NCOA2: variants seen among roughly 807,000 people sequenced by gnomAD.
NCOA2 encodes class E basic helix-loop-helix protein 75.
In NCOA2, 21 loss-of-function variants were observed where a neutral mutation model predicts 145.1. That is an observed-to-expected ratio of 0.14 (90% CI 0.10 to 0.21). The LOEUF (loss-of-function observed/expected upper bound fraction) is 0.21, where lower values mean the gene tolerates loss of function less well. NCOA2 is among the 10% of genes least tolerant of loss of function. NCOA2 has a pLI of 1.00. For synonymous variants in NCOA2, 619 were observed against 637.5 expected, an observed-to-expected ratio of 0.97 and a Z score of 0.44; for missense variants, 1,472 against 1,837.6, an observed-to-expected ratio of 0.80 and a Z score of 3.64.
rs1279704658 is a variant in NCOA2, at chr8:70,110,164, G to A, written c.*3468C>T. 2.0e-5 allele frequency: 4 copies of A among 201,378 alleles called. No individual in the cohort carries two copies. The highest frequency in any genetic ancestry group is 4.1e-5 in the Non-Finnish European group (4 of 97,946). The allele number at this position is 201,378 out of a possible 1,614,324, so 12.5% of individuals were successfully genotyped here. A position where few individuals can be genotyped will look rare whatever the true frequency, so the allele number is the denominator to read the frequency against. ...AACTGTACAAATAAAACTCACAAAT[G>A]ACAAAGGAAAAAAATGACAGTTAAA... On this transcript the variant is annotated 3_prime_UTR_variant, in exon 23 of 23. Transcript: ENST00000452400.
At chr8:70,435,908 C>T in the NCOA2 span, among the ~76,000 whole-genome samples, 33 of 152,276 alleles carry the variant, frequency 2.2e-4, no homozygotes, top group African/African-American at 7.9e-4. Context: ...AAGCAATCCT[C>T]CTGCTTCAGC....
chr8:70,290,340 C>T (rs1826571732), intron 2 of NCOA2, among the ~76,000 whole-genome samples: 1 of 152,164 alleles, frequency 6.6e-6, no homozygotes, highest in South Asian at 2.1e-4. Flanking sequence ...AGGCGCCTGC[C>T]ACCACACCCG....
At chr8:70,195,977 C>T (rs1817263231) in intron 4 of NCOA2, among the ~76,000 whole-genome samples, 2 of 152,268 alleles carry the variant, frequency 1.3e-5, no homozygotes, top group East Asian at 1.9e-4. Context: ...TTTTATGTTC[C>T]TTTTAAGACA....
chr8:70,289,085 G>A (rs984156598), intron 2 of NCOA2, among the ~76,000 whole-genome samples: 1 of 152,126 alleles, frequency 6.6e-6, no homozygotes, highest in South Asian at 2.1e-4. Context: ...ATATAATAGC[G>A]TAAGTAATCA....
intron 4 of NCOA2, among the ~76,000 whole-genome samples, chr8:70,199,064 A>G (rs1253043220): frequency 6.6e-6 from 1 of 152,188 alleles, no homozygotes; most frequent in African/African-American, 2.4e-5. Context: ...AAAACTCATT[A>G]AAGAGCGAAT....
At chr8:70,220,466 T>C (rs1249139663) in intron 2 of NCOA2, among the ~76,000 whole-genome samples, 2 of 152,214 alleles carry the variant, frequency 1.3e-5, no homozygotes, top group Non-Finnish European at 2.9e-5. Flanking sequence ...ACAATAGCCC[T>C]GTTTTCACAG....
intron 11 of NCOA2, among the ~76,000 whole-genome samples, chr8:70,153,069 A>T (rs1811918103): frequency 6.6e-6 from 1 of 152,194 alleles, no homozygotes; most frequent in South Asian, 2.1e-4. Context: ...CTTTGATCTA[A>T]ATATAGGTAA....
At chr8:70,259,493 T>A (rs1367655085) in intron 2 of NCOA2, among the ~76,000 whole-genome samples, 1 of 152,226 alleles carries the variant, frequency 6.6e-6, no homozygotes. Context: ...GTCACAATTA[T>A]TTTGTTATAC....
intron 2 of NCOA2, among the ~76,000 whole-genome samples, chr8:70,278,627 T>C (rs1825643395): frequency 6.6e-6 from 1 of 152,148 alleles, no homozygotes; most frequent in South Asian, 2.1e-4. Context: ...CCTCCAGTAT[T>C]GCCCTCCTCT....
At chr8:70,203,077 A>G (rs1442697471) in intron 4 of NCOA2, among the ~76,000 whole-genome samples, 2 of 152,136 alleles carry the variant, frequency 1.3e-5, no homozygotes, top group African/African-American at 4.8e-5. Context: ...ATTCTGGCCA[A>G]CACGGTGAAA....
intron 4 of NCOA2, among the ~76,000 whole-genome samples, chr8:70,197,274 A>C (rs1401438634): frequency 6.6e-6 from 1 of 152,164 alleles, no homozygotes; most frequent in African/African-American, 2.4e-5. Flanking sequence ...ATATATCTAC[A>C]TCAACCTATC....
chr8:70,410,728 C>T, the NCOA2 span, among the ~76,000 whole-genome samples: 1 of 152,166 alleles, frequency 6.6e-6, no homozygotes, highest in Non-Finnish European at 1.5e-5. Context: ...CTCAACAATA[C>T]AAGGAACAAA....
the NCOA2 span, among the ~76,000 whole-genome samples, chr8:70,435,308 C>T: frequency 8.7e-5 from 13 of 149,202 alleles, no homozygotes; most frequent in African/African-American, 2.5e-4. Flanking sequence ...GCCTGTAATC[C>T]CAGCTACTCG....
Position 70,248,639 on chromosome 8 carries a change from C to T in NCOA2, c.-19-31875G>A, listed in dbSNP as rs146843848. The stretch of plus-strand genomic sequence containing the variant: ...AAAAGGTATAGAATCTGCATATAAT[C>T]TACGCATATCCTCTCATATACACGA... On this transcript the variant is annotated intron_variant, in intron 2 of 22. Transcript: ENST00000452400. Among the ~76,000 whole-genome samples, 321 of 152,244 alleles carry T rather than the reference C, an allele frequency of 2.1e-3. 1 individual carries two copies. Among genetic ancestry groups the T allele is most frequent in the African/African-American group, 7.1e-3 (294 of 41,550 alleles).
chr8:70,384,645 T>C (rs1298260606), intron 1 of NCOA2, among the ~76,000 whole-genome samples: 1 of 152,222 alleles, frequency 6.6e-6, no homozygotes, highest in Admixed American at 6.5e-5. Context: ...CATATGATAA[T>C]TACAATACTC....
intron 1 of NCOA2, among the ~76,000 whole-genome samples, chr8:70,325,450 T>A (rs532982119): frequency 4.6e-4 from 69 of 151,550 alleles, no homozygotes; most frequent in Middle Eastern, 3.4e-3. Flanking sequence ...TTTTTTTTTT[T>A]AAACACTCTG....
At chr8:70,114,566 T>C (rs1347389663) in intron 22 of NCOA2, among the ~76,000 whole-genome samples, 2 of 152,240 alleles carry the variant, frequency 1.3e-5, no homozygotes. Context: ...CAAGACATTC[T>C]TGGTCACTGC....
At chr8:70,421,312 A>C in the NCOA2 span, among the ~76,000 whole-genome samples, 3 of 152,120 alleles carry the variant, frequency 2.0e-5, no homozygotes, top group Non-Finnish European at 4.4e-5. Context: ...GCACTTTGGG[A>C]GGCCAGGGTA....
At position 70,366,743 on chromosome 8, in the gene NCOA2, A is replaced by T. The variant is rs34783990; in HGVS notation, c.-77+36957T>A. On this transcript the variant is annotated intron_variant, in intron 1 of 22. Coordinates refer to ENST00000452400, the MANE Select transcript of NCOA2 (RefSeq NM_006540.4). ...ATAAAATTAAGCAGCCATTGGCTTT[A>T]AAAAAAAAAAAAAAAGGTTACTTGG... 9.4e-4 allele frequency among the ~76,000 whole-genome samples: 86 copies of T among 91,322 alleles called. No individual in the cohort carries two copies. The East Asian group carries it at 0.013, about 14-fold the overall frequency. The allele number at this position is 91,322 out of a possible 152,430, so 59.9% of individuals were successfully genotyped here.
Sources: allele counts gnomAD v4.1 joint callset (sites outside exome capture counted in the v4.1 genomes callset), GRCh38; gene constraint gnomAD v4.1.1; transcripts MANE v1.5; gene names NCBI Gene and HGNC (gene_info 2026-07-23, HGNC 2026-07-21).